SYT2: variants seen among roughly 807,000 people sequenced by gnomAD.
SYT2 encodes the protein synaptotagmin-2.
In SYT2, 15 loss-of-function variants were observed where a neutral mutation model predicts 39.9. That is an observed-to-expected ratio of 0.38 (90% confidence interval 0.25 to 0.58). The LOEUF (loss-of-function observed/expected upper bound fraction) is 0.58. SYT2 is among the 20% of genes least tolerant of loss of function. The pLI is 0.70. For synonymous variants in SYT2, 181 were observed against 204.5 expected (o/e 0.89, Z 0.98); for missense variants, 389 against 530.3 (o/e 0.73, Z 2.62).
At chr1:202,674,816 C>T (rs1653314592) in intron 1 of SYT2, among the ~76,000 whole-genome samples, 1 of 152,136 alleles carries the variant, frequency 6.6e-6, no homozygotes, top group South Asian at 2.1e-4. Context: ...ACACTGGCCT[C>T]CCACATGTCC....
intron 1 of SYT2, among the ~76,000 whole-genome samples, chr1:202,643,850 G>A (rs562279124): frequency 1.3e-5 from 2 of 152,242 alleles, no homozygotes; most frequent in East Asian, 3.9e-4. Flanking sequence ...CGCCAGCTCC[G>A]TGCACTCCTG....
intron 1 of SYT2, among the ~76,000 whole-genome samples, chr1:202,625,023 TTGTG>T (rs1409481525): frequency 2.0e-3 from 4 of 2,046 alleles, no homozygotes; most frequent in Admixed American, 0.017. Context: ...ATGTAGTAGG[TTGTG>T]TGTGTGGTGT....
At chr1:202,695,753 T>C (rs1371025180) in intron 1 of SYT2, among the ~76,000 whole-genome samples, 1 of 152,180 alleles carries the variant, frequency 6.6e-6, no homozygotes, top group African/African-American at 2.4e-5. Context: ...CCTTGTAAGG[T>C]CATCTATCGC....
At chr1:202,694,108 G>A (rs1047774949) in intron 1 of SYT2, among the ~76,000 whole-genome samples, 13 of 152,142 alleles carry the variant, frequency 8.5e-5, no homozygotes, top group Non-Finnish European at 4.4e-5. Flanking sequence ...CCTCCCACCC[G>A]GCCCCACTTC....
chr1:202,695,332 C>T (rs1653946621), intron 1 of SYT2, among the ~76,000 whole-genome samples: 1 of 152,158 alleles, frequency 6.6e-6, no homozygotes, highest in Admixed American at 6.5e-5. Context: ...GATATAACTG[C>T]CTCAGGGCCT....
intron 1 of SYT2, among the ~76,000 whole-genome samples, chr1:202,699,172 C>T (rs1048172003): frequency 5.9e-5 from 9 of 151,958 alleles, no homozygotes; most frequent in African/African-American, 2.2e-4. Context: ...ACAAGCATGC[C>T]ACCACGTCCA....
intron 1 of SYT2, among the ~76,000 whole-genome samples, chr1:202,638,548 G>C (rs1316741739): frequency 5.9e-5 from 9 of 152,216 alleles, no homozygotes; most frequent in Non-Finnish European, 1.0e-4. Context: ...CTGGGGAGGT[G>C]TCAGCTCCAA....
chr1:202,694,559 T>TACACACAC (rs10563246), intron 1 of SYT2, among the ~76,000 whole-genome samples: 4 of 150,334 alleles, frequency 2.7e-5, no homozygotes, highest in African/African-American at 9.8e-5. Context: ...AGGCTGAATT[T>TACACACAC]ACACACACAC....
At position 202,599,183 on chromosome 1, in the gene SYT2, C is replaced by T; in HGVS notation, c.1053+35G>A. The T allele has an allele frequency of 6.2e-7, 1 of 1,610,830 alleles. No individual in the cohort carries two copies. Among genetic ancestry groups the T allele is most frequent in the Non-Finnish European group, 8.5e-7 (1 of 1,178,838 alleles). The stretch of plus-strand genomic sequence containing the variant: ...CCCATACATGTTTGCCTCCCCAAAC[C>T]CTGCTCCATGCCTAGGAACCCAGGG... On this transcript the variant is annotated intron_variant, in intron 8 of 8. Transcript: ENST00000367268. The surrounding 1 kb of genome is among the most constrained non-coding windows in gnomAD (Gnocchi z 4.4).
intron 1 of SYT2, among the ~76,000 whole-genome samples, chr1:202,702,434 G>A (rs2149122036): frequency 6.6e-6 from 1 of 152,322 alleles, no homozygotes. Flanking sequence ...GAGTCAAACT[G>A]GGAGAGGGAG....
At chr1:202,674,330 G>A (rs1297539705) in intron 1 of SYT2, among the ~76,000 whole-genome samples, 3 of 152,098 alleles carry the variant, frequency 2.0e-5, no homozygotes, top group Non-Finnish European at 4.4e-5. Flanking sequence ...TCGAACTCCT[G>A]ACCTCAGTTA....
intron 3 of SYT2, 141 bp from the exon 4 acceptor site, chr1:202,603,259 G>A (rs996615153): frequency 4.9e-5 from 60 of 1,214,850 alleles, no homozygotes; most frequent in Non-Finnish European, 5.5e-5. Flanking sequence ...AAGAGGGAAC[G>A]TGGCCCTGCC....
intron 1 of SYT2, among the ~76,000 whole-genome samples, chr1:202,648,319 T>C (rs1422971361): frequency 6.6e-6 from 1 of 152,134 alleles, no homozygotes; most frequent in East Asian, 1.9e-4. Flanking sequence ...TAGTTGGGAC[T>C]ACAGGCATGC....
chr1:202,655,274 C>T (rs1403943278), intron 1 of SYT2, among the ~76,000 whole-genome samples: 2 of 152,124 alleles, frequency 1.3e-5, no homozygotes, highest in African/African-American at 4.8e-5. Flanking sequence ...GAGATGCGAG[C>T]CCAGGACAGG....
At chr1:202,676,932 TC>T (rs1239819903) in intron 1 of SYT2, among the ~76,000 whole-genome samples, 1 of 152,150 alleles carries the variant, frequency 6.6e-6, no homozygotes, top group Admixed American at 6.5e-5. Flanking sequence ...GGGGCAGACT[TC>T]CCCCTTGCTG....
intron 1 of SYT2, among the ~76,000 whole-genome samples, chr1:202,678,498 G>A: frequency 6.6e-6 from 1 of 151,840 alleles, no homozygotes; most frequent in East Asian, 1.9e-4. Context: ...TCATTCCAAG[G>A]CTCACCCAGT....
chr1:202,676,420 T>C (rs1653376021), intron 1 of SYT2, among the ~76,000 whole-genome samples: 1 of 152,206 alleles, frequency 6.6e-6, no homozygotes, highest in South Asian at 2.1e-4. Context: ...CATCCATGGG[T>C]ATCTGTCTGT....
At chr1:202,645,123 T>A (rs896183720) in intron 1 of SYT2, among the ~76,000 whole-genome samples, 1 of 152,190 alleles carries the variant, frequency 6.6e-6, no homozygotes, top group Non-Finnish European at 1.5e-5. Context: ...TCAGGTCTGC[T>A]GACCCCTCAC....
At chr1:202,653,337 C>T (rs1692225173) in intron 1 of SYT2, among the ~76,000 whole-genome samples, 1 of 152,180 alleles carries the variant, frequency 6.6e-6, no homozygotes, top group Non-Finnish European at 1.5e-5. Context: ...TCTCCTCACT[C>T]ATCACCTCAG....
Sources: allele counts gnomAD v4.1 joint callset (sites outside exome capture counted in the v4.1 genomes callset), GRCh38; gene constraint gnomAD v4.1.1; non-coding constraint Gnocchi (gnomAD v3.1); transcripts MANE v1.5; gene names NCBI Gene and HGNC (gene_info 2026-07-23, HGNC 2026-07-21).